The following EFNA5 variants were observed in gnomAD, a reference collection of about 807,000 sequenced individuals.
EFNA5 encodes the protein ephrin A5.
A neutral mutation model predicts 22.9 loss-of-function variants in EFNA5; 5 were observed. The ratio of observed to expected loss-of-function variants is 0.22; its 90% CI spans 0.11 to 0.46. The LOEUF is 0.46. Among genes scored for constraint, EFNA5 ranks in the 20% least tolerant of loss-of-function variants. The probability of loss-of-function intolerance (pLI) is 0.99; values close to 1 mark genes in which losing one functional copy is unlikely to be tolerated. For synonymous variants in EFNA5, 113 were observed against 112.2 expected, an observed-to-expected ratio of 1.01 and a Z score of -0.04; for missense variants, 237 against 293.3, an observed-to-expected ratio of 0.81 and a Z score of 1.40.
intron 1 of EFNA5, among the ~76,000 whole-genome samples, chr5:107,455,800 T>G (rs1440254816): frequency 6.6e-6 from 1 of 152,192 alleles, no homozygotes; most frequent in African/African-American, 2.4e-5. Flanking sequence ...TCTTTCCACT[T>G]TACTCAGTGT....
Position 107,670,451 on chromosome 5 carries a change from C to G in EFNA5, c.125+38G>C, listed in dbSNP as rs976560637. ...CCGCTCCTTCCGCAGGGCCCCGAGG[C>G]CCGGGTAGCCCTGGCTCTCCGCCTG... is the stretch of plus-strand genomic sequence containing the variant. On this transcript the variant is annotated intron_variant, in intron 1 of 4. Transcript: ENST00000333274. 2.9e-5 allele frequency: 44 copies of G among 1,532,860 alleles called. No homozygotes were observed. The East Asian group carries it at 6.3e-4, about 22-fold the overall frequency. The allele number at this position is 1,532,860 out of a possible 1,614,324, so 95.0% of individuals were successfully genotyped here. A position where few individuals can be genotyped will look rare whatever the true frequency, so the allele number is the denominator to read the frequency against.
intron 1 of EFNA5, among the ~76,000 whole-genome samples, chr5:107,601,573 G>A (rs1044524563): frequency 7.9e-5 from 12 of 152,140 alleles, no homozygotes; most frequent in Admixed American, 2.6e-4. Flanking sequence ...GGTAGATAAG[G>A]TAATGACCAT....
intron 1 of EFNA5, among the ~76,000 whole-genome samples, chr5:107,667,967 T>C (rs907533705): frequency 1.3e-5 from 2 of 152,224 alleles, no homozygotes; most frequent in African/African-American, 4.8e-5. Flanking sequence ...GCCTCTTATA[T>C]CCAAGTTGAC....
chr5:107,517,233 T>C (rs975456630), intron 1 of EFNA5, among the ~76,000 whole-genome samples: 14 of 152,086 alleles, frequency 9.2e-5, no homozygotes, highest in Non-Finnish European at 2.9e-5. Flanking sequence ...GAGGAGAAAC[T>C]AGAAGACAAT....
intron 1 of EFNA5, among the ~76,000 whole-genome samples, chr5:107,567,982 G>C (rs1389778742): frequency 6.6e-6 from 1 of 152,082 alleles, no homozygotes; most frequent in Non-Finnish European, 1.5e-5. Context: ...CTGCAGCCTC[G>C]ACCTCCTGGG....
intron 1 of EFNA5, among the ~76,000 whole-genome samples, chr5:107,493,631 G>A (rs753860995): frequency 1.3e-5 from 2 of 152,212 alleles, no homozygotes; most frequent in Non-Finnish European, 2.9e-5. Flanking sequence ...AAACTCCTAA[G>A]TGGCAGGAGA....
intron 1 of EFNA5, among the ~76,000 whole-genome samples, chr5:107,463,631 A>T (rs1749895439): frequency 6.6e-6 from 1 of 152,232 alleles, no homozygotes; most frequent in African/African-American, 2.4e-5. Context: ...AATAAAGAGG[A>T]ATTATAAGAA....
rs1751144999 is a variant in EFNA5, at chr5:107,669,632, T to C, written c.125+857A>G. 3.3e-5 allele frequency among the ~76,000 whole-genome samples: 5 copies of C among 152,116 alleles called. No homozygotes were observed. In the South Asian group the frequency reaches 1.0e-3, roughly 32 times the overall value. Reference sequence around the variant, plus strand: ...CCGCCCCCGGCGCCCACCTCTAGTCTCCCGCATACCCGGCGGGCTTCGGGA... The same window carrying C: ...CCGCCCCCGGCGCCCACCTCTAGTCCCCCGCATACCCGGCGGGCTTCGGGA... On this transcript the variant is annotated intron_variant, in intron 1 of 4. Transcript: ENST00000333274.
At chr5:107,527,719 T>G (rs992771243) in intron 1 of EFNA5, among the ~76,000 whole-genome samples, 1 of 152,198 alleles carries the variant, frequency 6.6e-6, no homozygotes, top group Non-Finnish European at 1.5e-5. Flanking sequence ...TCATGCACAT[T>G]ATCTTATTTC....
chr5:107,476,387 T>C (rs1483692373), intron 1 of EFNA5, among the ~76,000 whole-genome samples: 1 of 151,938 alleles, frequency 6.6e-6, no homozygotes, highest in Non-Finnish European at 1.5e-5. Context: ...ATAGAGTATA[T>C]TATACTTAGA....
chr5:107,562,702 T>G (rs979771615), intron 1 of EFNA5, among the ~76,000 whole-genome samples: 80 of 152,338 alleles, frequency 5.3e-4, no homozygotes, highest in African/African-American at 1.9e-3. Context: ...GTTGAGTACC[T>G]ACTGTGCAGA....
chr5:107,380,684 C>G lies in EFNA5; in HGVS notation c.*571G>C, dbSNP rs1360072400. ...AACCAGTGTCTCAACCTTTTAGAAG[C>G]CTGTTCATTTACATACTCCTATAGG... On this transcript the variant is annotated 3_prime_UTR_variant, in exon 5 of 5. Coordinates refer to ENST00000333274, the MANE Select transcript of EFNA5 (RefSeq NM_001962.3). The G allele has an allele frequency of 2.5e-6, 1 of 397,640 alleles. No individual in the cohort carries two copies. The highest frequency in any genetic ancestry group is 4.4e-6 in the Non-Finnish European group (1 of 225,728). The allele number at this position is 397,640 out of a possible 1,614,324, so 24.6% of individuals were successfully genotyped here.
intron 1 of EFNA5, among the ~76,000 whole-genome samples, chr5:107,523,060 A>G (rs1271105181): frequency 3.3e-5 from 5 of 152,196 alleles, no homozygotes; most frequent in African/African-American, 1.2e-4. Context: ...TACCAAGTTA[A>G]TATCACTAAG....
At chr5:107,503,837 T>C (rs1261805140) in intron 1 of EFNA5, among the ~76,000 whole-genome samples, 1 of 152,202 alleles carries the variant, frequency 6.6e-6, no homozygotes, top group African/African-American at 2.4e-5. Flanking sequence ...CAGTTTCTAA[T>C]ATTTTATTGT....
chr5:107,640,832 C>T (rs1171771084), intron 1 of EFNA5, among the ~76,000 whole-genome samples: 1 of 152,164 alleles, frequency 6.6e-6, no homozygotes, highest in East Asian at 1.9e-4. Flanking sequence ...CAAGGTCAAT[C>T]ACAAACAACC....
chr5:107,567,121 T>C (rs149638043), intron 1 of EFNA5, among the ~76,000 whole-genome samples: 116 of 151,446 alleles, frequency 7.7e-4, no homozygotes, highest in African/African-American at 2.7e-3. Context: ...CGAGAAAGAG[T>C]TGTCCTATGT....
chr5:107,485,299 T>C (rs1746581911), intron 1 of EFNA5, among the ~76,000 whole-genome samples: 5 of 152,144 alleles, frequency 3.3e-5, no homozygotes, highest in South Asian at 4.1e-4. Context: ...ATGAAAAACA[T>C]TAAAATGCAA....
At chr5:107,539,599 C>T (rs911492058) in intron 1 of EFNA5, among the ~76,000 whole-genome samples, 1 of 152,160 alleles carries the variant, frequency 6.6e-6, no homozygotes, top group East Asian at 1.9e-4. Flanking sequence ...GCTGGGACTT[C>T]AGGCACATGC....
intron 1 of EFNA5, among the ~76,000 whole-genome samples, chr5:107,586,378 C>T (rs970671584): frequency 2.6e-5 from 4 of 152,140 alleles, no homozygotes; most frequent in African/African-American, 9.7e-5. Flanking sequence ...CTATTGAGTA[C>T]ACAACTGAAA....
Sources: gnomAD v4.1 joint callset for allele counts (sites outside exome capture counted in the v4.1 genomes callset) on GRCh38, gnomAD v4.1.1 for gene constraint, MANE v1.5 for transcripts, NCBI Gene and HGNC (gene_info 2026-07-23, HGNC 2026-07-21) for gene names.